OPN5: variants seen among roughly 807,000 people sequenced by gnomAD.
OPN5 encodes the protein opsin-5.
OPN5 carries 18 observed loss-of-function variants against 41.7 expected under a neutral mutation model. That is an observed-to-expected ratio of 0.43 (90% CI 0.30 to 0.64). The LOEUF (loss-of-function observed/expected upper bound fraction) is 0.64, where lower values mean the gene tolerates loss of function less well. Ranked by LOEUF, OPN5 falls within the 30% of genes least tolerant of loss-of-function variation. The probability of loss-of-function intolerance (pLI) is 0.13; values close to 1 mark genes in which losing one functional copy is unlikely to be tolerated. For synonymous variants in OPN5, 178 were observed against 164.3 expected, an observed-to-expected ratio of 1.08 and a Z score of -0.64; for missense variants, 318 against 434.5, an observed-to-expected ratio of 0.73 and a Z score of 2.38.
At chr6:47,784,638 GAATA>G (rs1263250613) in intron 1 of OPN5, among the ~76,000 whole-genome samples, 1 of 152,074 alleles carries the variant, frequency 6.6e-6, no homozygotes, top group African/African-American at 2.4e-5. Flanking sequence ...AGCCAGAGTG[GAATA>G]AACATTCTTG....
At position 47,793,323 on chromosome 6, in the gene OPN5, G is replaced by T. The variant is rs547147127; in HGVS notation, c.421+1351G>T. Among the ~76,000 whole-genome samples the T allele has an allele frequency of 1.3e-4, 20 of 152,226 alleles. No individual in the cohort carries two copies. The East Asian group carries it at 3.3e-3, about 25-fold the overall frequency. ...CCGCCCACTGCCAGGATCATTGCAG[G>T]TCATAACTCCATATGTGGGAACTGT... On this transcript the variant is annotated intron_variant, in intron 3 of 6. Coordinates refer to ENST00000371211, the Ensembl canonical transcript of OPN5.
At chr6:47,796,769 T>A (rs1021357376) in intron 4 of OPN5, among the ~76,000 whole-genome samples, 44 of 152,288 alleles carry the variant, frequency 2.9e-4, no homozygotes, top group African/African-American at 1.1e-3. Context: ...CTCTCCAAAT[T>A]GCAGAATTTT....
intron 6 of OPN5, among the ~76,000 whole-genome samples, chr6:47,817,341 C>T (rs142524480): frequency 0.012 from 1,896 of 152,200 alleles, 42 homozygotes; most frequent in African/African-American, 0.043. Context: ...CAGAAATTCT[C>T]ATTGAGGTTC....
At chr6:47,798,871 A>G (rs1017164303) in intron 4 of OPN5, among the ~76,000 whole-genome samples, 4 of 152,100 alleles carry the variant, frequency 2.6e-5, no homozygotes, top group Admixed American at 2.6e-4. Flanking sequence ...TCATTTAGCT[A>G]CTGCTCAGGA....
intron 6 of OPN5, among the ~76,000 whole-genome samples, chr6:47,819,614 T>C (rs1005507468): frequency 9.2e-5 from 14 of 151,856 alleles, no homozygotes; most frequent in Non-Finnish European, 1.8e-4. Flanking sequence ...TTGGCGTGTT[T>C]CCCATTATAG....
At chr6:47,805,694 A>G (rs1020846383) in intron 4 of OPN5, among the ~76,000 whole-genome samples, 2 of 152,174 alleles carry the variant, frequency 1.3e-5, no homozygotes, top group African/African-American at 4.8e-5. Context: ...TTGTTATGGG[A>G]AAAACACATC....
chr6:47,822,952 A>T (rs1762679039), intron 6 of OPN5, among the ~76,000 whole-genome samples: 1 of 152,182 alleles, frequency 6.6e-6, no homozygotes, highest in Admixed American at 6.5e-5. Context: ...TTTTCAAAGG[A>T]CACACCTCTG....
chr6:47,790,607 G>A (rs776807799), intron 2 of OPN5, among the ~76,000 whole-genome samples: 2 of 152,172 alleles, frequency 1.3e-5, no homozygotes, highest in African/African-American at 2.4e-5. Flanking sequence ...AATAGTAAAA[G>A]ACTAAATATG....
In OPN5 at chr6:47,786,701, C is replaced by G. The variant is rs1773203490; in HGVS notation, c.250+67C>G. The G allele has an allele frequency of 2.9e-6, 4 of 1,384,496 alleles. No individual in the cohort carries two copies. In the South Asian group the frequency reaches 5.0e-5, roughly 17 times the overall value. The allele number at this position is 1,384,496 out of a possible 1,614,324, so 85.8% of individuals were successfully genotyped here. A position where few individuals can be genotyped will look rare whatever the true frequency, so the allele number is the denominator to read the frequency against. Reference sequence around the variant, plus strand: ...CTCCCCATTCTAAAGTACTCACTGTCTCAAACGTCACCCCCTGACATCTCT... The same window carrying G: ...CTCCCCATTCTAAAGTACTCACTGTGTCAAACGTCACCCCCTGACATCTCT... On this transcript the variant is annotated intron_variant, in intron 2 of 6. Coordinates refer to ENST00000371211, the Ensembl canonical transcript of OPN5.
At position 47,791,714 on chromosome 6, in the gene OPN5, C is replaced by T. The variant is rs958416686; in HGVS notation, c.251-88C>T. The T allele has an allele frequency of 2.8e-6, 3 of 1,083,580 alleles. No homozygotes were observed. The Admixed American group carries it at 5.6e-5, about 20-fold the overall frequency. 67.1% of individuals were successfully genotyped at this position (1,083,580 alleles called of 1,614,324 possible). A position where few individuals can be genotyped will look rare whatever the true frequency, so the allele number is the denominator to read the frequency against. On this transcript the variant is annotated intron_variant, in intron 2 of 6. Transcript: ENST00000371211. ...GTGTGCGTTCACATGTGTCCCCGTG[C>T]TTTAGGGGAGGAGGTTCAGGTGAGT... is the stretch of plus-strand genomic sequence containing the variant.
intron 4 of OPN5, among the ~76,000 whole-genome samples, chr6:47,798,288 G>A (rs375265091): frequency 6.6e-6 from 1 of 151,778 alleles, no homozygotes; most frequent in East Asian, 1.9e-4. Context: ...ATTGAAAAAT[G>A]AACCTAGTCA....
chr6:47,822,015 G>A (rs1199857562), intron 6 of OPN5, among the ~76,000 whole-genome samples: 2 of 151,848 alleles, frequency 1.3e-5, no homozygotes, highest in African/African-American at 4.8e-5. Flanking sequence ...GGGAGACTGA[G>A]GCAGGAGAAT....
intron 4 of OPN5, among the ~76,000 whole-genome samples, chr6:47,801,197 A>G (rs568499061): frequency 6.6e-6 from 1 of 152,334 alleles, no homozygotes; most frequent in Non-Finnish European, 1.5e-5. Flanking sequence ...CCTGTTTGCC[A>G]CTGGACCCTA....
Position 47,810,015 on chromosome 6 carries a change from T to C in OPN5, c.998+1620T>C, listed in dbSNP as rs183211973. Among the ~76,000 whole-genome samples, 535 of 152,294 alleles carry C rather than the reference T, an allele frequency of 3.5e-3. 2 individuals are homozygous for C. The highest frequency in any genetic ancestry group is 6.2e-3 in the Non-Finnish European group (420 of 68,030). ...CACAACTGTGAGCAGCCCATAAATA[T>C]TCAATACTCAACAATGGGAAGAGGG... On this transcript the variant is annotated intron_variant, in intron 5 of 6. Transcript: ENST00000371211.
At chr6:47,822,109 C>CAA (rs11284494) in intron 6 of OPN5, among the ~76,000 whole-genome samples, 8 of 89,092 alleles carry the variant, frequency 9.0e-5, no homozygotes, top group Admixed American at 1.3e-4. Flanking sequence ...GACTCTGTCT[C>CAA]AAAAAAAAAA....
chr6:47,802,412 T>C (rs749626804), intron 4 of OPN5, among the ~76,000 whole-genome samples: 35 of 152,166 alleles, frequency 2.3e-4, no homozygotes, highest in Non-Finnish European at 4.1e-4. Context: ...CATAGTCAAC[T>C]TCTGCTGCTT....
chr6:47,810,581 T>C (rs1177051371), intron 5 of OPN5, among the ~76,000 whole-genome samples: 1 of 152,200 alleles, frequency 6.6e-6, no homozygotes, highest in Admixed American at 6.5e-5. Context: ...TGTTTTTGCT[T>C]ATAAGGGGAC....
At chr6:47,783,833 G>T (rs1484920911) in intron 1 of OPN5, among the ~76,000 whole-genome samples, 2 of 152,140 alleles carry the variant, frequency 1.3e-5, no homozygotes. Context: ...TAAGCAACTT[G>T]ATCAATTGTA....
intron 1 of OPN5, among the ~76,000 whole-genome samples, chr6:47,784,349 T>C (rs915128181): frequency 1.3e-5 from 2 of 151,726 alleles, no homozygotes; most frequent in East Asian, 1.9e-4. Flanking sequence ...CAGGTTGGAG[T>C]GCAGTGGTGC....
Sources: gnomAD v4.1 joint callset for allele counts (sites outside exome capture counted in the v4.1 genomes callset) on GRCh38, gnomAD v4.1.1 for gene constraint, MANE v1.5 for transcripts, NCBI Gene and HGNC (gene_info 2026-07-23, HGNC 2026-07-21) for gene names.